The following SNX29 variants were observed in gnomAD, a reference collection of about 807,000 sequenced individuals.
The protein encoded by SNX29 is sorting nexin 29.
In SNX29, 78 loss-of-function variants were observed where a neutral mutation model predicts 102.1. The ratio of observed to expected loss-of-function variants is 0.76; its 90% CI spans 0.64 to 0.92. The LOEUF (loss-of-function observed/expected upper bound fraction) is 0.92. Ranked by LOEUF, SNX29 falls within the 40% of genes least tolerant of loss-of-function variation. SNX29 has a pLI of 0.00. For missense variants in SNX29, 1,280 were observed against 1,061.7 expected (o/e 1.21, Z -2.86); for synonymous variants, 580 against 414.5 (o/e 1.40, Z -4.85).
At chr16:12,454,422 A>G (rs913899029) in intron 18 of SNX29, among the ~76,000 whole-genome samples, 5 of 152,216 alleles carry the variant, frequency 3.3e-5, no homozygotes, top group African/African-American at 9.6e-5. Flanking sequence ...TACCTGATGC[A>G]AAGAGCTCTT....
At chr16:12,538,806 C>G (rs1236132548) in intron 20 of SNX29, among the ~76,000 whole-genome samples, 1 of 152,120 alleles carries the variant, frequency 6.6e-6, no homozygotes, top group Non-Finnish European at 1.5e-5. Context: ...AAGGCAGAAA[C>G]CAGAGTCAGT....
chr16:12,013,488 G>GGA (rs781538940), intron 3 of SNX29, among the ~76,000 whole-genome samples: 243 of 12,970 alleles, frequency 0.019, 28 homozygotes, highest in African/African-American at 0.046. Flanking sequence ...TCTACTGGGG[G>GGA]AAAAAAAAAA....
intron 11 of SNX29, among the ~76,000 whole-genome samples, chr16:12,097,027 G>C (rs1049524918): frequency 6.6e-6 from 1 of 152,228 alleles, no homozygotes; most frequent in African/African-American, 2.4e-5. Flanking sequence ...AGTGTGCAAA[G>C]GGGGCTGACA....
intron 15 of SNX29, among the ~76,000 whole-genome samples, chr16:12,351,232 G>A (rs1167276964): frequency 1.3e-5 from 2 of 152,170 alleles, no homozygotes; most frequent in East Asian, 1.9e-4. Context: ...GTGTGTGAAC[G>A]CAAAGTGGGG....
chr16:12,126,811 G>T lies in SNX29; in HGVS notation c.1466+115G>T. On this transcript the variant is annotated intron_variant, in intron 12 of 20. Coordinates refer to ENST00000566228, the MANE Select transcript of SNX29 (RefSeq NM_032167.5). ...GCTTTCTTGGCAAAAATTGTGACTG[G>T]CTATTTCTTATCGTCAGGGATATGC... is the stretch of plus-strand genomic sequence containing the variant. 3.6e-6 allele frequency: 4 copies of T among 1,101,564 alleles called. No homozygotes were observed. The South Asian group carries it at 5.7e-5, about 16-fold the overall frequency. The allele number at this position is 1,101,564 out of a possible 1,614,324, so 68.2% of individuals were successfully genotyped here. A position where few individuals can be genotyped will look rare whatever the true frequency, so the allele number is the denominator to read the frequency against.
At chr16:12,057,804 T>C (rs1485272635) in intron 8 of SNX29, among the ~76,000 whole-genome samples, 1 of 145,156 alleles carries the variant, frequency 6.9e-6, no homozygotes, top group African/African-American at 2.6e-5. Context: ...CATATACATA[T>C]ATATATATAT....
chr16:12,377,168 C>A (rs955202904), intron 16 of SNX29, among the ~76,000 whole-genome samples: 2 of 152,174 alleles, frequency 1.3e-5, no homozygotes, highest in African/African-American at 4.8e-5. Flanking sequence ...AGGAGCTTTA[C>A]GTCTCTGAGC....
At position 12,069,100 on chromosome 16, in the gene SNX29, C is replaced by G; in HGVS notation, c.1287C>G (p.Asp429Glu). Residue 429 changes from aspartate to glutamate, a missense_variant, in exon 10 of 21, where the codon GAC (aspartate) becomes GAG (glutamate). Asp to Glu is a conservative substitution (Grantham distance 45). Coordinates refer to ENST00000566228, the MANE Select transcript of SNX29 (RefSeq NM_032167.5). ...GSLENGTGPE[D>E]HVLPDPGLRY... is the part of the protein sequence containing the mutation. ...TGGAGAACGGGACAGGACCAGAGGA[C>G]CACGTTCTCCCAGATCCTGGACTTC... The G allele has an allele frequency of 6.2e-7, 1 of 1,613,744 alleles. No individual in the cohort carries two copies. The highest frequency in any genetic ancestry group is 8.5e-7 in the Non-Finnish European group (1 of 1,179,728).
At chr16:12,541,081 C>T (rs1224624673) in intron 20 of SNX29, among the ~76,000 whole-genome samples, 1 of 152,178 alleles carries the variant, frequency 6.6e-6, no homozygotes, top group East Asian at 1.9e-4. Context: ...GACTAGCTGC[C>T]TCATGCATCC....
At chr16:12,327,772 G>A (rs1480268392) in intron 15 of SNX29, among the ~76,000 whole-genome samples, 3 of 152,112 alleles carry the variant, frequency 2.0e-5, no homozygotes, top group Non-Finnish European at 2.9e-5. Context: ...GTTGATGCTT[G>A]CAGGGAGGAC....
intron 15 of SNX29, among the ~76,000 whole-genome samples, chr16:12,318,063 G>C (rs1001616154): frequency 2.0e-5 from 3 of 152,254 alleles, no homozygotes; most frequent in Non-Finnish European, 4.4e-5. Flanking sequence ...CTGGCTCTTG[G>C]TGTTCTTCGC....
At chr16:12,250,297 T>C (rs1168635908) in intron 14 of SNX29, among the ~76,000 whole-genome samples, 2 of 152,120 alleles carry the variant, frequency 1.3e-5, no homozygotes, top group Admixed American at 6.5e-5. Flanking sequence ...CCAAAATATA[T>C]AGTGGTCCTT....
chr16:12,406,956 A>G (rs1366607775), intron 18 of SNX29, among the ~76,000 whole-genome samples: 1 of 152,172 alleles, frequency 6.6e-6, no homozygotes, highest in Non-Finnish European at 1.5e-5. Flanking sequence ...GTTGCACCAC[A>G]TTTCACATGC....
At chr16:12,167,960 C>G (rs1237764307) in intron 13 of SNX29, among the ~76,000 whole-genome samples, 1 of 152,200 alleles carries the variant, frequency 6.6e-6, no homozygotes, top group Non-Finnish European at 1.5e-5. Context: ...ACCAAAAGAG[C>G]TCACCTGGCA....
chr16:12,216,497 CAAG>C (rs1279733062), intron 14 of SNX29, among the ~76,000 whole-genome samples: 2 of 152,216 alleles, frequency 1.3e-5, no homozygotes, highest in African/African-American at 4.8e-5. Context: ...TCCGAGATGA[CAAG>C]AAGTCGGGTT....
chr16:12,098,804 TAACA>T lies in SNX29; in HGVS notation c.1402+19890_1402+19893del, dbSNP rs936165009. 1.3e-5 allele frequency among the ~76,000 whole-genome samples: 2 copies of T among 152,208 alleles called. No homozygotes were observed. The highest frequency in any genetic ancestry group is 4.8e-5 in the African/African-American group (2 of 41,450). ...GCTTACAAAACCTCGTCCCTGAGTCTAACAGTCAGAGGTAGAGACCCCCCTCAGG... is the reference window on the plus strand; with the variant it reads ...GCTTACAAAACCTCGTCCCTGAGTCTGTCAGAGGTAGAGACCCCCCTCAGG... On this transcript the variant is annotated intron_variant, in intron 11 of 20. Coordinates refer to ENST00000566228, the MANE Select transcript of SNX29 (RefSeq NM_032167.5). The surrounding 1 kb of genome is among the most constrained non-coding windows in gnomAD (Gnocchi z 6.0).
intron 7 of SNX29, 44 bp from the exon 8 acceptor site, chr16:12,051,803 G>A: frequency 1.3e-6 from 2 of 1,586,044 alleles, no homozygotes; most frequent in Non-Finnish European, 1.7e-6. Context: ...CTTTTGTCTT[G>A]CCTCCTTTTT....
At chr16:12,564,345 G>T (rs1225647763) in intron 20 of SNX29, among the ~76,000 whole-genome samples, 1 of 152,164 alleles carries the variant, frequency 6.6e-6, no homozygotes, top group Non-Finnish European at 1.5e-5. Flanking sequence ...AGTCATTTCA[G>T]GATGTCAAAG....
intron 20 of SNX29, among the ~76,000 whole-genome samples, chr16:12,547,749 C>T (rs2141311176): frequency 6.6e-6 from 1 of 152,280 alleles, no homozygotes; most frequent in South Asian, 2.1e-4. Context: ...AAGCCTCCTC[C>T]TGTGAAGCTG....
Sources: gnomAD v4.1 joint callset for allele counts (sites outside exome capture counted in the v4.1 genomes callset) on GRCh38, gnomAD v4.1.1 for gene constraint, Gnocchi (gnomAD v3.1) non-coding constraint, MANE v1.5 for transcripts, NCBI Gene and HGNC (gene_info 2026-07-23, HGNC 2026-07-21) for gene names.